The following HSD3B7 variants were observed in gnomAD, a reference collection of about 807,000 sequenced individuals.
The protein encoded by HSD3B7 is hydroxy-delta-5-steroid dehydrogenase, 3 beta- and steroid delta-isomerase 7.
Under a neutral mutation model 34.3 loss-of-function variants are expected in HSD3B7, and 35 were observed. That is an observed-to-expected ratio of 1.02 (90% CI 0.78 to 1.35). The LOEUF (loss-of-function observed/expected upper bound fraction) is 1.35, where lower values mean the gene tolerates loss of function less well. Ranked by LOEUF, HSD3B7 falls within the 40% of genes most tolerant of loss-of-function variation. HSD3B7 has a pLI of 0.00. For synonymous variants in HSD3B7, 217 were observed against 220.1 expected, an observed-to-expected ratio of 0.99 and a Z score of 0.13; for missense variants, 426 against 504.7, an observed-to-expected ratio of 0.84 and a Z score of 1.49.
intron 2 of HSD3B7, 49 bp downstream of exon 2, chr16:30,985,873 A>T: frequency 6.3e-7 from 1 of 1,583,500 alleles, no homozygotes; most frequent in South Asian, 1.1e-5. Context: ...CGCTTCCCCA[A>T]CCCTTCCCAA....
At position 30,988,141 on chromosome 16, in the gene HSD3B7, T is replaced by C. The variant is rs2305880; in HGVS notation, c.1068T>C (p.Arg356=). 966,722 of 1,605,016 alleles carry C rather than the reference T, an allele frequency of 0.6. 302,080 individuals carry two copies. Among genetic ancestry groups the C allele is most frequent in the East Asian group, 0.91 (40,722 of 44,770 alleles). ...TCTCGTGGGAGGATAGCCGGACCCG[T>C]ACCATTCTCTGGGTACAGGCCGCTA... ...PLFSWEDSRT[R]TILWVQAATG... is the part of the protein sequence containing the mutation. Residue 356 remains arginine (R), a synonymous_variant, in exon 7 of 7, where the codon CGT becomes CGC. Coordinates refer to ENST00000297679, the MANE Select transcript of HSD3B7 (RefSeq NM_025193.4).
chr16:30,987,962 T>C lies in HSD3B7; in HGVS notation c.889T>C (p.Phe297Leu), dbSNP rs2056510919. Residue 297 changes from phenylalanine to leucine, a missense_variant, in exon 7 of 7, where the codon TTC becomes CTC. Phe to Leu is a conservative substitution (Grantham distance 22, BLOSUM62 0). Transcript: ENST00000297679. ...ATTGCTGCCCTACTGGCTGCTGGTGTTCCTGGCTGCCCTCAATGCCCTGCT... is the reference window on the plus strand; with the variant it reads ...ATTGCTGCCCTACTGGCTGCTGGTGCTCCTGGCTGCCCTCAATGCCCTGCT... Reference protein sequence around the residue: ...RPLLPYWLLVFLAALNALLQW... With the variant: ...RPLLPYWLLVLLAALNALLQW... 1.9e-6 allele frequency: 3 copies of C among 1,612,158 alleles called. No homozygotes were observed. Among genetic ancestry groups the C allele is most frequent in the Non-Finnish European group, 2.5e-6 (3 of 1,180,002 alleles).
chr16:30,986,222 C>T lies in HSD3B7; in HGVS notation c.322+18C>T, dbSNP rs749722360. 6 of 1,612,248 alleles carry T rather than the reference C, an allele frequency of 3.7e-6. No individual in the cohort carries two copies. The highest frequency in any genetic ancestry group is 1.7e-5 in the Admixed American group (1 of 59,738). ...CGTGCAGGGTGAGGAGCTCTGGACACTCCTGGCCATCTTGCCTGTTTGTTC... is the reference window on the plus strand; with the variant it reads ...CGTGCAGGGTGAGGAGCTCTGGACATTCCTGGCCATCTTGCCTGTTTGTTC... On this transcript the variant is annotated intron_variant, in intron 3 of 6. Coordinates refer to ENST00000297679, the MANE Select transcript of HSD3B7 (RefSeq NM_025193.4).
At position 30,988,054 on chromosome 16, in the gene HSD3B7, C is replaced by T. The variant is rs2056513255; in HGVS notation, c.981C>T (p.Ala327=). Residue 327 remains alanine (A), a synonymous_variant, in exon 7 of 7, where the codon GCC becomes GCT. Transcript: ENST00000297679. The stretch of plus-strand genomic sequence containing the variant: ...TGAACCCCTACACGCTGGCCGTGGC[C>T]AACACCACCTTCACCGTCAGCACCG... ...PLLNPYTLAV[A]NTTFTVSTDK... is the part of the protein sequence containing the mutation. The T allele has an allele frequency of 1.2e-6, 2 of 1,606,548 alleles. No individual in the cohort carries two copies. Among genetic ancestry groups the T allele is most frequent in the Non-Finnish European group, 8.5e-7 (1 of 1,179,804 alleles).
In HSD3B7 at chr16:30,986,958, T is replaced by G; in HGVS notation, c.650T>G (p.Phe217Cys). ...GGCCTGCGCCTGGGAGGTTGGCTCT[T>G]CCGGGCCATCCCGGCCTCTGTGGAG... Reference protein sequence around the residue: ...RQGLRLGGWLFRAIPASVEHG... With the variant: ...RQGLRLGGWLCRAIPASVEHG... Residue 217 changes from phenylalanine to cysteine, a missense_variant, in exon 6 of 7, where the codon TTC (phenylalanine) becomes TGC (cysteine). Physicochemically the swap from Phe to Cys is radical, Grantham distance 205. Transcript: ENST00000297679. The G allele has an allele frequency of 6.2e-7, 1 of 1,613,382 alleles. No individual in the cohort carries two copies. Among genetic ancestry groups the G allele is most frequent in the Non-Finnish European group, 8.5e-7 (1 of 1,179,828 alleles).
chr16:30,987,162 G>A (rs2056493816), intron 6 of HSD3B7, 160 bp downstream of exon 6: 6 of 706,924 alleles, frequency 8.5e-6, no homozygotes, highest in African/African-American at 1.8e-5. Flanking sequence ...TGTCTCCACA[G>A]CCTGCAGAGA....
chr16:30,986,713 A>C lies in HSD3B7; in HGVS notation c.531+9A>C, dbSNP rs1246149021. ...AGGCCAACGGGAGGAAGGTGAGCCC[A>C]GAAAAAGGAGGCGCAGAGATGGGGC... On this transcript the variant is annotated intron_variant, in intron 5 of 6. Coordinates refer to ENST00000297679, the MANE Select transcript of HSD3B7 (RefSeq NM_025193.4). 2 of 1,613,720 alleles carry C rather than the reference A, an allele frequency of 1.2e-6. No individual in the cohort carries two copies. The highest frequency in any genetic ancestry group is 3.3e-5 in the Admixed American group (2 of 60,036).
intron 6 of HSD3B7, 185 bp from the exon 7 acceptor site, chr16:30,987,583 T>G (rs775367644): frequency 1.0e-4 from 70 of 675,916 alleles, no homozygotes; most frequent in Non-Finnish European, 1.8e-4. Flanking sequence ...TCTTTGCAGA[T>G]GCAGGCTGGC....
At chr16:30,986,021 A>G (rs770587911) in intron 2 of HSD3B7, 28 bp from the exon 3 acceptor site, 8 of 1,610,928 alleles carry the variant, frequency 5.0e-6, no homozygotes, top group Non-Finnish European at 5.9e-6. Flanking sequence ...CAGCTCTGAC[A>G]TGGCCTGTGT....
Position 30,986,434 on chromosome 16 carries a change from G to C in HSD3B7, c.334G>C (p.Val112Leu), listed in dbSNP as rs746072197. ...HEVNVQGTRN[V>L]IEACVQTGTR... ...TCCTCCTCTGCCAGGTACCCGGAAC[G>C]TGATCGAGGCTTGTGTGCAGACCGG... The change falls in exon 4 of 7, where the codon GTG becomes CTG. Residue 112 changes from valine to leucine, a missense_variant. Coordinates refer to ENST00000297679, the MANE Select transcript of HSD3B7 (RefSeq NM_025193.4). 1 of 1,614,096 alleles carries C rather than the reference G, an allele frequency of 6.2e-7. No homozygotes were observed. Among genetic ancestry groups the C allele is most frequent in the Non-Finnish European group, 8.5e-7 (1 of 1,179,990 alleles).
chr16:30,986,970 C>T lies in HSD3B7; in HGVS notation c.662C>T (p.Pro221Leu), dbSNP rs760795184. ...GGAGGTTGGCTCTTCCGGGCCATCCCGGCCTCTGTGGAGCATGGCCGGGTC... is the reference window on the plus strand; with the variant it reads ...GGAGGTTGGCTCTTCCGGGCCATCCTGGCCTCTGTGGAGCATGGCCGGGTC... ...RLGGWLFRAI[P>L]ASVEHGRVYV... Residue 221 changes from proline to leucine, a missense_variant, in exon 6 of 7, where the codon CCG becomes CTG. By Grantham distance (98) the Pro-to-Leu change is moderately conservative. Coordinates refer to ENST00000297679, the MANE Select transcript of HSD3B7 (RefSeq NM_025193.4). 38 of 1,612,944 alleles carry T rather than the reference C, an allele frequency of 2.4e-5. No individual in the cohort carries two copies. The highest frequency in any genetic ancestry group is 1.5e-4 in the South Asian group (14 of 91,080).
Position 30,986,059 on chromosome 16 carries a change from G to T in HSD3B7, c.177G>T (p.Arg59Ser). Residue 59 changes from arginine to serine, a missense_variant, in exon 3 of 7, where the codon AGG (arginine) becomes AGT (serine). Coordinates refer to ENST00000297679, the MANE Select transcript of HSD3B7 (RefSeq NM_025193.4). Reference protein sequence around the residue: ...WLEELKTGPVRVTAIQGDVTQ... With the variant: ...WLEELKTGPVSVTAIQGDVTQ... ...TCCAACCCCGGCCAGGGCCTGTGAG[G>T]GTGACTGCCATCCAGGGGGACGTGA... 1 of 1,613,014 alleles carries T rather than the reference G, an allele frequency of 6.2e-7. No individual in the cohort carries two copies. Among genetic ancestry groups the T allele is most frequent in the African/African-American group, 1.3e-5 (1 of 75,038 alleles).
rs920401359 is a variant in HSD3B7, at chr16:30,987,748, C to T, written c.695-20C>T. ...CAAGGGCACTCAGGGGTGTGTCCGC[C>T]TCTCTTCCGCCACCGGCAGGCAATG... On this transcript the variant is annotated intron_variant, in intron 6 of 6. Coordinates refer to ENST00000297679, the MANE Select transcript of HSD3B7 (RefSeq NM_025193.4). The T allele has an allele frequency of 1.4e-5, 23 of 1,608,676 alleles. No individual in the cohort carries two copies. The highest frequency in any genetic ancestry group is 2.2e-5 in the East Asian group (1 of 44,884).
At chr16:30,986,238 CTGTT>C in intron 3 of HSD3B7, 34 bp downstream of exon 3, 1 of 1,608,044 alleles carries the variant, frequency 6.2e-7, no homozygotes. Flanking sequence ...GCCATCTTGC[CTGTT>C]TGTTCCCCAC....
rs755255301 is a variant in HSD3B7, at chr16:30,985,624, C to T, written c.-6-29C>T. The T allele has an allele frequency of 1.4e-4, 216 of 1,582,322 alleles. 1 individual carries two copies. In the Middle Eastern group the frequency reaches 2.5e-3, roughly 18 times the overall value. On this transcript the variant is annotated intron_variant, in intron 1 of 6. Transcript: ENST00000297679. ...GTGGTTGCAGCAGGTGGCAGCCAGC[C>T]CCTGGATGAGCCAAGGTCTCTTCCC...
In HSD3B7 at chr16:30,987,751, T is replaced by C; in HGVS notation, c.695-17T>C. 2 of 1,609,488 alleles carry C rather than the reference T, an allele frequency of 1.2e-6. No homozygotes were observed. Among genetic ancestry groups the C allele is most frequent in the African/African-American group, 2.7e-5 (2 of 75,046 alleles). ...GGGCACTCAGGGGTGTGTCCGCCTC[T>C]CTTCCGCCACCGGCAGGCAATGTTG... On this transcript the variant is annotated splice_polypyrimidine_tract_variant and intron_variant, in intron 6 of 6. Transcript: ENST00000297679.
In HSD3B7 at chr16:30,985,643, T is replaced by A; in HGVS notation, c.-6-10T>A. 6.3e-7 allele frequency: 1 copy of A among 1,597,034 alleles called. No individual in the cohort carries two copies. Among genetic ancestry groups the A allele is most frequent in the Non-Finnish European group, 8.5e-7 (1 of 1,176,598 alleles). On this transcript the variant is annotated splice_polypyrimidine_tract_variant and intron_variant, in intron 1 of 6. Coordinates refer to ENST00000297679, the MANE Select transcript of HSD3B7 (RefSeq NM_025193.4). Reference sequence around the variant, plus strand: ...GCCAGCCCCTGGATGAGCCAAGGTCTCTTCCCCAGCCAGGCATGGCCGACT... The same window carrying A: ...GCCAGCCCCTGGATGAGCCAAGGTCACTTCCCCAGCCAGGCATGGCCGACT...
chr16:30,986,475 C>A lies in HSD3B7; in HGVS notation c.375C>A (p.Val125=). 6.2e-7 allele frequency: 1 copy of A among 1,614,130 alleles called. No individual in the cohort carries two copies. Among genetic ancestry groups the A allele is most frequent in the South Asian group, 1.1e-5 (1 of 91,070 alleles). The part of the protein sequence containing the change: ...ACVQTGTRFL[V]YTSSMEVVGP... Reference sequence around the variant, plus strand: ...TGCAGACCGGAACACGGTTCCTGGTCTACACCAGCAGCATGGAAGTTGTGG... The same window carrying A: ...TGCAGACCGGAACACGGTTCCTGGTATACACCAGCAGCATGGAAGTTGTGG... Residue 125 remains valine, a synonymous_variant, in exon 4 of 7, where the codon GTC becomes GTA. Coordinates refer to ENST00000297679, the MANE Select transcript of HSD3B7 (RefSeq NM_025193.4).
rs12443627 is a variant in HSD3B7 at position 30,985,551 on chromosome 16, G to C, written c.-6-102G>C. 955,779 of 1,531,610 alleles carry C rather than the reference G, an allele frequency of 0.62. 304,140 individuals carry two copies. Among genetic ancestry groups the C allele is most frequent in the East Asian group, 0.91 (37,145 of 40,900 alleles). The allele number at this position is 1,531,610 out of a possible 1,614,324, so 94.9% of individuals were successfully genotyped here. A position where few individuals can be genotyped will look rare whatever the true frequency, so the allele number is the denominator to read the frequency against. On this transcript the variant is annotated intron_variant, in intron 1 of 6. Transcript: ENST00000297679. Reference sequence around the variant, plus strand: ...TCCCAGGATCAGCTCTGCCCTCCCCGCAAACGCCAGCCTCGTCACCGCTCC... The same window carrying C: ...TCCCAGGATCAGCTCTGCCCTCCCCCCAAACGCCAGCCTCGTCACCGCTCC...
Sources: allele counts gnomAD v4.1 joint callset, GRCh38; gene constraint gnomAD v4.1.1; transcripts MANE v1.5; gene names NCBI Gene and HGNC (gene_info 2026-07-23, HGNC 2026-07-21).